SLC25A28: variants seen among roughly 807,000 people sequenced by gnomAD.
SLC25A28 encodes the protein mitoferrin-2.
A neutral mutation model predicts 31.9 loss-of-function variants in SLC25A28; 10 were observed. The observed-to-expected ratio is 0.31, with a 90% CI of 0.19 to 0.53. SLC25A28 has a LOEUF of 0.53. SLC25A28 is among the 20% of genes least tolerant of loss of function. The pLI is 0.95. For synonymous variants in SLC25A28, 208 were observed against 203.6 expected, an observed-to-expected ratio of 1.02 and a Z score of -0.19; for missense variants, 256 against 490.3, an observed-to-expected ratio of 0.52 and a Z score of 4.51.
Position 99,611,320 on chromosome 10 carries a change from C to T in SLC25A28, c.624G>A (p.Val208=), listed in dbSNP as rs778739356. ...MQMYNSPYHR[V]TDCVRAVWQN... ...GCCACACTGCCCGTACACAGTCTGT[C>T]ACCCGGTGGTATGGTGAGTTGTACA... Residue 208 remains valine (V), a synonymous_variant, in exon 4 of 4, where the codon GTG becomes GTA. Coordinates refer to ENST00000370495, the MANE Select transcript of SLC25A28 (RefSeq NM_031212.4). This position sits in a 1 kb window ranked among gnomAD's most constrained non-coding sequence, Gnocchi z 5.5. The T allele has an allele frequency of 1.2e-5, 20 of 1,614,016 alleles. No homozygotes were observed. The highest frequency in any genetic ancestry group is 6.7e-5 in the African/African-American group (5 of 74,904).
the SLC25A28 span, among the ~76,000 whole-genome samples, chr10:99,646,244 C>G: frequency 6.6e-6 from 1 of 152,228 alleles, no homozygotes; most frequent in Non-Finnish European, 1.5e-5. Context: ...TTTACCTACT[C>G]AAGCCTCAGC....
the SLC25A28 span, among the ~76,000 whole-genome samples, chr10:99,644,075 A>G: frequency 6.6e-6 from 1 of 152,214 alleles, no homozygotes; most frequent in South Asian, 2.1e-4. Context: ...GTAGATGTCT[A>G]TTAGGTCTGC....
In SLC25A28 at chr10:99,610,873, T is replaced by C; in HGVS notation, c.1071A>G (p.Gln357=). 1 of 1,614,080 alleles carries C rather than the reference T, an allele frequency of 6.2e-7. No individual in the cohort carries two copies. Among genetic ancestry groups the C allele is most frequent in the Non-Finnish European group, 8.5e-7 (1 of 1,179,922 alleles). Residue 357 remains glutamine (Q), a synonymous_variant, in exon 4 of 4, where the codon CAA becomes CAG. Transcript: ENST00000370495. ...TTCACTTGCCAGCCCTCCACTCTTC[T>C]TGCCTTTTAGTGATTAGGTATTTGA... ...EFFKYLITKR[Q]EEWRAGK
At chr10:99,633,842 C>A in the SLC25A28 span, among the ~76,000 whole-genome samples, 5 of 152,132 alleles carry the variant, frequency 3.3e-5, no homozygotes, top group African/African-American at 9.7e-5. Context: ...AGGAGGCAAA[C>A]CAGCCCAAAA....
At chr10:99,636,851 T>G in the SLC25A28 span, among the ~76,000 whole-genome samples, 1 of 152,170 alleles carries the variant, frequency 6.6e-6, no homozygotes, top group African/African-American at 2.4e-5. Flanking sequence ...AGCAGAATTC[T>G]ATCAGGCATT....
At chr10:99,649,695 GTA>G in the SLC25A28 span, among the ~76,000 whole-genome samples, 1 of 152,080 alleles carries the variant, frequency 6.6e-6, no homozygotes, top group African/African-American at 2.4e-5. Context: ...TCAGAAGATT[GTA>G]TGTTTCCAGA....
chr10:99,629,213 G>C, the SLC25A28 span, among the ~76,000 whole-genome samples: 2 of 152,116 alleles, frequency 1.3e-5, no homozygotes, highest in African/African-American at 4.8e-5. Context: ...GTGAGAGTTG[G>C]TTGTTAAAAA....
the SLC25A28 span, among the ~76,000 whole-genome samples, chr10:99,631,863 C>G: frequency 6.7e-6 from 1 of 148,632 alleles, no homozygotes; most frequent in East Asian, 1.9e-4. Context: ...CTGTACTGAA[C>G]ACGCTCAGTA....
chr10:99,657,867 T>C, the SLC25A28 span, among the ~76,000 whole-genome samples: 12 of 152,242 alleles, frequency 7.9e-5, no homozygotes, highest in East Asian at 2.3e-3. Flanking sequence ...AGAGTATACA[T>C]GAAACCTTCC....
At chr10:99,651,596 T>TTTC in the SLC25A28 span, among the ~76,000 whole-genome samples, 1 of 138,164 alleles carries the variant, frequency 7.2e-6, no homozygotes, top group Non-Finnish European at 1.6e-5. Context: ...TTTCTTTTCT[T>TTTC]TTTTTTTTTT....
chr10:99,621,019 T>G, upstream of SLC25A28: 1 of 977,968 alleles, frequency 1.0e-6, no homozygotes, highest in Non-Finnish European at 1.2e-6. Context: ...CGGAGAGCCG[T>G]GTTCCCGCGG....
intron 1 of SLC25A28, chr10:99,617,418 G>C: frequency 1.0e-6 from 1 of 985,460 alleles, no homozygotes; most frequent in Non-Finnish European, 1.2e-6. Flanking sequence ...GGCAATGTCA[G>C]CTTTCATTTG....
At chr10:99,643,218 C>G in the SLC25A28 span, among the ~76,000 whole-genome samples, 4 of 152,232 alleles carry the variant, frequency 2.6e-5, no homozygotes, top group East Asian at 7.7e-4. Flanking sequence ...GGTTGGTAGG[C>G]TATTAATTAT....
chr10:99,625,567 C>G (rs1400198585), upstream of SLC25A28, among the ~76,000 whole-genome samples: 2 of 152,206 alleles, frequency 1.3e-5, no homozygotes, highest in African/African-American at 4.8e-5. Flanking sequence ...TTCTACATCT[C>G]TCTATGAGAC....
rs1310124802 is a variant in SLC25A28, at chr10:99,613,904, C to T, written c.312G>A (p.Gln104=). ...DCVKTRMQSL[Q]PDPAARYRNV... Reference sequence around the variant, plus strand: ...TGCGATAGCGGGCAGCTGGGTCAGGCTGTAGACTCTGCATCCGGGTCTGAA... The same window carrying T: ...TGCGATAGCGGGCAGCTGGGTCAGGTTGTAGACTCTGCATCCGGGTCTGAA... The change falls in exon 2 of 4, where the codon CAG becomes CAA. Residue 104 remains glutamine (Q), a synonymous_variant. Transcript: ENST00000370495. The surrounding 1 kb of genome is among the most constrained non-coding windows in gnomAD (Gnocchi z 4.9). 1 of 1,607,506 alleles carries T rather than the reference C, an allele frequency of 6.2e-7. No homozygotes were observed. Among genetic ancestry groups the T allele is most frequent in the Non-Finnish European group, 8.5e-7 (1 of 1,176,172 alleles).
In SLC25A28 at chr10:99,619,304, G is replaced by A. The variant is rs2034730151; in HGVS notation, c.291+741C>T. On this transcript the variant is annotated intron_variant, in intron 1 of 3. Coordinates refer to ENST00000370495, the MANE Select transcript of SLC25A28 (RefSeq NM_031212.4). ...AACTTCTCCCTTTTTGCCAACTTCA[G>A]GTGGCCAAAGAAATATGCTATCAGT... 3 of 985,212 alleles carry A rather than the reference G, an allele frequency of 3.0e-6. No individual in the cohort carries two copies. The South Asian group carries it at 1.4e-4, about 46-fold the overall frequency. 61.0% of individuals were successfully genotyped at this position (985,212 alleles called of 1,614,324 possible). A position where few individuals can be genotyped will look rare whatever the true frequency, so the allele number is the denominator to read the frequency against.
the SLC25A28 span, among the ~76,000 whole-genome samples, chr10:99,636,602 G>T: frequency 6.6e-6 from 1 of 151,876 alleles, no homozygotes; most frequent in African/African-American, 2.4e-5. Flanking sequence ...GCAGAAGAAA[G>T]GAAATATCCA....
At chr10:99,644,173 G>A in the SLC25A28 span, among the ~76,000 whole-genome samples, 1 of 152,174 alleles carries the variant, frequency 6.6e-6, no homozygotes, top group Non-Finnish European at 1.5e-5. Flanking sequence ...AGGTGTTAAA[G>A]TCTCCCATTA....
chr10:99,640,458 T>C, the SLC25A28 span, among the ~76,000 whole-genome samples: 26 of 152,366 alleles, frequency 1.7e-4, no homozygotes, highest in Admixed American at 1.5e-3. Context: ...TGTACGTCTT[T>C]TGATTATATC....
Sources: allele counts gnomAD v4.1 joint callset (sites outside exome capture counted in the v4.1 genomes callset), GRCh38; gene constraint gnomAD v4.1.1; non-coding constraint Gnocchi (gnomAD v3.1); transcripts MANE v1.5; gene names NCBI Gene and HGNC (gene_info 2026-07-23, HGNC 2026-07-21).